The following COL24A1 variants were observed in gnomAD, a reference collection of about 807,000 sequenced individuals.
COL24A1 encodes collagen type XXIV alpha 1 chain, also known as collagen alpha-1(XXIV) chain.
In COL24A1, 224 loss-of-function variants were observed where a neutral mutation model predicts 253.9. The observed-to-expected ratio is 0.88, with a 90% confidence interval of 0.79 to 0.99. The LOEUF (loss-of-function observed/expected upper bound fraction) is 0.99, where lower values mean the gene tolerates loss of function less well. COL24A1 is among the 50% of genes least tolerant of loss of function. The probability of loss-of-function intolerance (pLI) is 0.00; values close to 1 mark genes in which losing one functional copy is unlikely to be tolerated. For synonymous variants in COL24A1, 685 were observed against 673.7 expected (o/e 1.02, Z -0.26); for missense variants, 2,131 against 2,068.5 (o/e 1.03, Z -0.59).
rs531878673 is a variant in COL24A1, at chr1:85,793,716, G to A, written c.3952-7255C>T. ...AGTGTACTTTGCACATGAATGATGA[G>A]AACCCTGGAGTCATGAGATGGTGCC... On this transcript the variant is annotated intron_variant, in intron 47 of 59. Coordinates refer to ENST00000370571, the MANE Select transcript of COL24A1 (RefSeq NM_152890.7). Among the ~76,000 whole-genome samples the A allele has an allele frequency of 4.7e-4, 72 of 152,236 alleles. 1 individual carries two copies. Among genetic ancestry groups the A allele is most frequent in the African/African-American group, 1.7e-3 (71 of 41,538 alleles).
intron 1 of COL24A1, among the ~76,000 whole-genome samples, chr1:86,150,833 G>A (rs1426869163): frequency 6.6e-6 from 1 of 152,062 alleles, no homozygotes; most frequent in Admixed American, 6.5e-5. Flanking sequence ...GCAGTAGATG[G>A]TAGAGTCCTC....
intron 57 of COL24A1, among the ~76,000 whole-genome samples, chr1:85,738,338 A>G (rs1046634825): frequency 2.0e-5 from 3 of 152,206 alleles, no homozygotes; most frequent in Admixed American, 6.5e-5. Context: ...GTTTTCACAA[A>G]AAAATCATAC....
chr1:86,155,589 G>A (rs1653455307), intron 1 of COL24A1: 1 of 152,296 alleles, frequency 6.6e-6, no homozygotes, highest in African/African-American at 2.4e-5. Context: ...AGGGGAGGTG[G>A]GGTGCCCGTC....
intron 13 of COL24A1, among the ~76,000 whole-genome samples, 157 bp from the exon 14 acceptor site, chr1:86,032,079 T>C (rs375061560): frequency 6.6e-6 from 1 of 152,214 alleles, no homozygotes; most frequent in Non-Finnish European, 1.5e-5. Flanking sequence ...TGCATCCTCC[T>C]GAGAAGCACA....
intron 7 of COL24A1, among the ~76,000 whole-genome samples, chr1:86,088,750 A>G (rs1703260989): frequency 6.6e-6 from 1 of 152,196 alleles, no homozygotes. Flanking sequence ...TGTATTACCT[A>G]TAAGCAAGTA....
At chr1:86,141,245 G>T (rs1017534946) in intron 2 of COL24A1, among the ~76,000 whole-genome samples, 1 of 152,170 alleles carries the variant, frequency 6.6e-6, no homozygotes, top group African/African-American at 2.4e-5. Flanking sequence ...AAAGGCTCAA[G>T]AATTGAAGGC....
In COL24A1 at chr1:86,065,399, T is replaced by G. The variant is rs1018174043; in HGVS notation, c.1708-1640A>C. 2.0e-5 allele frequency among the ~76,000 whole-genome samples: 3 copies of G among 152,266 alleles called. No individual in the cohort carries two copies. In the East Asian group the frequency reaches 5.8e-4, roughly 29 times the overall value. Reference sequence around the variant, plus strand: ...TTTTCCCCAAATCACTCCATAATAGTGAACTATGTGTATATATGTTAATCA... The same window carrying G: ...TTTTCCCCAAATCACTCCATAATAGGGAACTATGTGTATATATGTTAATCA... On this transcript the variant is annotated intron_variant, in intron 7 of 59. Transcript: ENST00000370571.
At position 85,847,741 on chromosome 1, in the gene COL24A1, TCTC is replaced by T; in HGVS notation, c.3383_3385del (p.Gly1128del). 1.2e-6 allele frequency: 2 copies of T among 1,613,824 alleles called. No homozygotes were observed. Among genetic ancestry groups the T allele is most frequent in the Non-Finnish European group, 1.7e-6 (2 of 1,179,832 alleles). ...TCCAGGAGGACCTCTGCTTCCAACT[TCTC>T]CTGTGGGTCCTATTTGTCCTTTATC... On this transcript the variant is annotated inframe_deletion, in exon 39 of 60. Transcript: ENST00000370571.
chr1:86,082,199 C>T (rs181427876), intron 7 of COL24A1, among the ~76,000 whole-genome samples: 1 of 152,266 alleles, frequency 6.6e-6, no homozygotes, highest in East Asian at 1.9e-4. Flanking sequence ...CCCCTTCTTA[C>T]AATCCTGTAG....
At chr1:85,933,365 T>G (rs1687974096) in intron 24 of COL24A1, among the ~76,000 whole-genome samples, 1 of 148,236 alleles carries the variant, frequency 6.7e-6, no homozygotes, top group African/African-American at 2.5e-5. Flanking sequence ...CACAGAATAA[T>G]TTTTTTTAAC....
chr1:86,133,020 T>C (rs201886031), intron 2 of COL24A1, among the ~76,000 whole-genome samples: 1 of 646 alleles, frequency 1.5e-3, no homozygotes, highest in Non-Finnish European at 0.021. Flanking sequence ...TCTTCCATTT[T>C]TTGTATCCTC....
intron 24 of COL24A1, among the ~76,000 whole-genome samples, chr1:85,948,127 C>CT (rs1689507275): frequency 6.6e-6 from 1 of 152,110 alleles, no homozygotes; most frequent in Non-Finnish European, 1.5e-5. Context: ...CAAGTCTCAA[C>CT]TTTTTTCAAG....
rs150189369 is a variant in COL24A1, at chr1:86,000,008, A to G, written c.2311-12354T>C. Among the ~76,000 whole-genome samples the G allele has an allele frequency of 3.4e-4, 52 of 152,268 alleles. No individual in the cohort carries two copies. The East Asian group carries it at 9.1e-3, about 27-fold the overall frequency. ...TCACTCTGTGCCAACACACAAAAAA[A>G]CTGTATCAGCTAGCCAGTGTCACCC... On this transcript the variant is annotated intron_variant, in intron 19 of 59. Coordinates refer to ENST00000370571, the MANE Select transcript of COL24A1 (RefSeq NM_152890.7).
intron 5 of COL24A1, among the ~76,000 whole-genome samples, chr1:86,097,239 G>A (rs779803302): frequency 6.6e-6 from 1 of 151,970 alleles, no homozygotes; most frequent in Non-Finnish European, 1.5e-5. Flanking sequence ...TGTTAGCTAG[G>A]AGACCTCCTC....
chr1:86,110,779 C>T (rs1438240186), intron 5 of COL24A1, among the ~76,000 whole-genome samples: 1 of 152,168 alleles, frequency 6.6e-6, no homozygotes, highest in Non-Finnish European at 1.5e-5. Context: ...CGCCTGCCCG[C>T]AGGGCAGGGC....
intron 12 of COL24A1, among the ~76,000 whole-genome samples, chr1:86,034,747 C>T (rs1344333132): frequency 6.6e-6 from 1 of 151,962 alleles, no homozygotes; most frequent in South Asian, 2.1e-4. Context: ...AATAACAAAC[C>T]TTCTCATTAT....
At chr1:85,906,262 G>GTTTTTTTTTTTTTTTTTTT (rs1438385660) in intron 28 of COL24A1, among the ~76,000 whole-genome samples, 22 of 14,032 alleles carry the variant, frequency 1.6e-3, no homozygotes, top group Admixed American at 7.7e-3. Flanking sequence ...AAACTGCAAG[G>GTTTTTTTTTTTTTTTTTTT]TCTTTTTTTT....
chr1:86,129,264 T>C (rs1648789378), intron 2 of COL24A1, among the ~76,000 whole-genome samples: 1 of 151,774 alleles, frequency 6.6e-6, no homozygotes, highest in South Asian at 2.1e-4. Context: ...ATTATTTTTG[T>C]TTTCCTATGT....
intron 26 of COL24A1, 44 bp downstream of exon 26, chr1:85,909,905 AT>A (rs1360229398): frequency 6.6e-7 from 1 of 1,508,104 alleles, no homozygotes; most frequent in Admixed American, 1.7e-5. Context: ...ACTTGCTTTT[AT>A]TGCATTCTTT....
Sources: allele counts gnomAD v4.1 joint callset (sites outside exome capture counted in the v4.1 genomes callset), GRCh38; gene constraint gnomAD v4.1.1; transcripts MANE v1.5; gene names NCBI Gene and HGNC (gene_info 2026-07-23, HGNC 2026-07-21).